MAPKAPK5: variants seen among roughly 807,000 people sequenced by gnomAD.
The protein encoded by MAPKAPK5 is MAP kinase-activated protein kinase 5.
Under a neutral mutation model 65.1 loss-of-function variants are expected in MAPKAPK5, and 30 were observed. That is an observed-to-expected ratio of 0.46 (90% CI 0.34 to 0.63). MAPKAPK5 has a LOEUF of 0.63. Ranked by LOEUF, MAPKAPK5 falls within the 20% of genes least tolerant of loss-of-function variation. The pLI is 0.01. For synonymous variants in MAPKAPK5, 179 were observed against 204.6 expected, an observed-to-expected ratio of 0.87 and a Z score of 1.07; for missense variants, 433 against 581.4, an observed-to-expected ratio of 0.74 and a Z score of 2.63.
chr12:111,844,552 G>A (rs2068845158), intron 1 of MAPKAPK5, among the ~76,000 whole-genome samples: 1 of 152,174 alleles, frequency 6.6e-6, no homozygotes, highest in Non-Finnish European at 1.5e-5. Flanking sequence ...TAATTGGGTT[G>A]TGAATCAAAG....
At chr12:111,873,004 AT>A (rs2069833004) in intron 7 of MAPKAPK5, among the ~76,000 whole-genome samples, 1 of 151,780 alleles carries the variant, frequency 6.6e-6, no homozygotes, top group East Asian at 1.9e-4. Flanking sequence ...TTGCCTTTTA[AT>A]TTTCTTAATG....
At chr12:111,867,740 T>C (rs2069659231) in intron 4 of MAPKAPK5, 71 bp downstream of exon 4, 3 of 1,156,194 alleles carry the variant, frequency 2.6e-6, no homozygotes, top group Non-Finnish European at 1.3e-6. Context: ...TCCTCTCTTT[T>C]ATGTGCTCCC....
rs984535446 is a variant in MAPKAPK5, at chr12:111,893,199, TTAA to T, written c.*144_*146del. On this transcript the variant is annotated 3_prime_UTR_variant, in exon 14 of 14. Coordinates refer to ENST00000550735, the MANE Select transcript of MAPKAPK5 (RefSeq NM_003668.4). ...GCTGTATAGATTTAGGGTGCAGGAC[TTAA>T]TAATAGTATAGTTATTGTTTGTTTT... The T allele has an allele frequency of 1.9e-6, 1 of 537,862 alleles. No homozygotes were observed. The highest frequency in any genetic ancestry group is 2.6e-5 in the South Asian group (1 of 38,278). 33.3% of individuals were successfully genotyped at this position (537,862 alleles called of 1,614,324 possible). A position where few individuals can be genotyped will look rare whatever the true frequency, so the allele number is the denominator to read the frequency against.
At chr12:111,858,486 A>T (rs1271007650) in intron 1 of MAPKAPK5, among the ~76,000 whole-genome samples, 1 of 142,212 alleles carries the variant, frequency 7.0e-6, no homozygotes, top group Non-Finnish European at 1.5e-5. Flanking sequence ...ATTTCTTTCT[A>T]TGTATTTTCA....
rs1412591159 is a variant in MAPKAPK5 at position 111,900,490 on chromosome 12, T to A, written c.*7429T>A. 5 of 455,958 alleles carry A rather than the reference T, an allele frequency of 1.1e-5. No homozygotes were observed. Among genetic ancestry groups the A allele is most frequent in the South Asian group, 1.5e-5 (1 of 64,570 alleles). 28.2% of individuals were successfully genotyped at this position (455,958 alleles called of 1,614,324 possible). A position where few individuals can be genotyped will look rare whatever the true frequency, so the allele number is the denominator to read the frequency against. ...TTCAGCAGCTGCAGCTCTGACTACT[T>A]CTACCAGTTCCTTCGAGAACACAAA... On this transcript the variant is annotated 3_prime_UTR_variant, in exon 14 of 14. Transcript: ENST00000550735.
chr12:111,855,701 C>T (rs1031894037), intron 1 of MAPKAPK5, among the ~76,000 whole-genome samples: 2 of 151,792 alleles, frequency 1.3e-5, no homozygotes, highest in African/African-American at 4.8e-5. Flanking sequence ...GTGGTGTGCA[C>T]CTGTAGTCCC....
At chr12:111,843,449 A>G (rs956012655) in intron 1 of MAPKAPK5, 4 of 342,246 alleles carry the variant, frequency 1.2e-5, no homozygotes, top group Non-Finnish European at 2.1e-5. Flanking sequence ...TTTTTTTTTT[A>G]AAGGCACATT....
At chr12:111,890,425 AC>A (rs1369038965) in intron 13 of MAPKAPK5, among the ~76,000 whole-genome samples, 1 of 152,068 alleles carries the variant, frequency 6.6e-6, no homozygotes, top group African/African-American at 2.4e-5. Flanking sequence ...GGTAAAAAAA[AC>A]CCCCAAATTT....
chr12:111,885,994 C>G lies in MAPKAPK5; in HGVS notation c.927C>G (p.Ala309=). ...ACCCCTGGCTCAATTCCACCGAGGCCCTGGATAATGTGCTGCCTTCTGCTC... is the reference window on the plus strand; with the variant it reads ...ACCCCTGGCTCAATTCCACCGAGGCGCTGGATAATGTGCTGCCTTCTGCTC... The part of the protein sequence containing the change: ...LDHPWLNSTE[A]LDNVLPSAQL... The change falls in exon 10 of 14, where the codon GCC becomes GCG. Residue 309 remains alanine (A), a synonymous_variant. Transcript: ENST00000550735. 1 of 1,613,904 alleles carries G rather than the reference C, an allele frequency of 6.2e-7. No individual in the cohort carries two copies. The highest frequency in any genetic ancestry group is 8.5e-7 in the Non-Finnish European group (1 of 1,179,868).
In MAPKAPK5 at chr12:111,883,711, A is replaced by C. The variant is rs770180691; in HGVS notation, c.791A>C (p.Glu264Ala). The stretch of plus-strand genomic sequence containing the variant: ...AGAAAGATCATGACAGGCAGTTTTG[A>C]GTTCCCAGAGGAAGAGTGGAGTCAG... ...MRRKIMTGSF[E>A]FPEEEWSQIS... The change falls in exon 9 of 14, where the codon GAG becomes GCG. Residue 264 changes from glutamate (E) to alanine (A), a missense_variant. Glu to Ala is a moderately radical substitution (Grantham distance 107). Transcript: ENST00000550735. The surrounding 1 kb of genome is among the most constrained non-coding windows in gnomAD (Gnocchi z 4.8). 1 of 1,613,968 alleles carries C rather than the reference A, an allele frequency of 6.2e-7. No homozygotes were observed. The highest frequency in any genetic ancestry group is 8.5e-7 in the Non-Finnish European group (1 of 1,179,896).
rs755773338 is a variant in MAPKAPK5, at chr12:111,888,527, T to C, written c.1009T>C (p.Leu337=). Residue 337 remains leucine, a synonymous_variant, in exon 11 of 14, where the codon TTG becomes CTG. Coordinates refer to ENST00000550735, the MANE Select transcript of MAPKAPK5 (RefSeq NM_003668.4). ...AGIQQAHAEQ[L]ANMRIQDLKV... ...AATCCAGCAGGCTCACGCGGAACAGTTGGCCAACATGAGAATCCAGGATCT... is the reference window on the plus strand; with the variant it reads ...AATCCAGCAGGCTCACGCGGAACAGCTGGCCAACATGAGAATCCAGGATCT... 6.2e-7 allele frequency: 1 copy of C among 1,613,990 alleles called. No homozygotes were observed. The highest frequency in any genetic ancestry group is 8.5e-7 in the Non-Finnish European group (1 of 1,179,874).
In MAPKAPK5 at chr12:111,893,162, T is replaced by C. The variant is rs2070684611; in HGVS notation, c.*101T>C. The C allele has an allele frequency of 2.4e-6, 2 of 846,766 alleles. No homozygotes were observed. Among genetic ancestry groups the C allele is most frequent in the East Asian group, 6.1e-5 (2 of 32,772 alleles). 52.5% of individuals were successfully genotyped at this position (846,766 alleles called of 1,614,324 possible). On this transcript the variant is annotated 3_prime_UTR_variant, in exon 14 of 14. Coordinates refer to ENST00000550735, the MANE Select transcript of MAPKAPK5 (RefSeq NM_003668.4). Reference sequence around the variant, plus strand: ...AATAAATCATAATTTCATTTCCACATTGATTAAAGCTGCTGTATAGATTTA... The same window carrying C: ...AATAAATCATAATTTCATTTCCACACTGATTAAAGCTGCTGTATAGATTTA...
chr12:111,901,351 G>T lies in MAPKAPK5; in HGVS notation c.*8290G>T. ...GCCCCCCCTGACTGTGTTACTGCAG[G>T]AAGTGGAGGTAGTGTGGACAGTGGC... On this transcript the variant is annotated 3_prime_UTR_variant, in exon 14 of 14. Transcript: ENST00000550735. 2.2e-6 allele frequency: 1 copy of T among 456,068 alleles called. No individual in the cohort carries two copies. Among genetic ancestry groups the T allele is most frequent in the Non-Finnish European group, 4.4e-6 (1 of 226,798 alleles). The allele number at this position is 456,068 out of a possible 1,614,324, so 28.3% of individuals were successfully genotyped here.
At chr12:111,878,486 C>G (rs2070076291) in intron 7 of MAPKAPK5, among the ~76,000 whole-genome samples, 1 of 151,986 alleles carries the variant, frequency 6.6e-6, no homozygotes, top group Admixed American at 6.6e-5. Flanking sequence ...AGTGGCGGAT[C>G]TCAGCTCACT....
At chr12:111,859,627 T>TTC (rs1555269103) in intron 1 of MAPKAPK5, among the ~76,000 whole-genome samples, 2 of 143,226 alleles carry the variant, frequency 1.4e-5, no homozygotes, top group East Asian at 4.2e-4. Context: ...AGCACTTCTT[T>TTC]TTTTCTTTTC....
rs1436697871 is a variant in MAPKAPK5 at position 111,900,406 on chromosome 12, G to C, written c.*7345G>C. 2.2e-6 allele frequency: 1 copy of C among 456,080 alleles called. No individual in the cohort carries two copies. The highest frequency in any genetic ancestry group is 4.4e-6 in the Non-Finnish European group (1 of 226,804). The allele number at this position is 456,080 out of a possible 1,614,324, so 28.3% of individuals were successfully genotyped here. Reference sequence around the variant, plus strand: ...GGTATTCAGCACGACCACTCGGCCTGCTTTTGTAAAGATAAGCACTTTTGC... The same window carrying C: ...GGTATTCAGCACGACCACTCGGCCTCCTTTTGTAAAGATAAGCACTTTTGC... On this transcript the variant is annotated 3_prime_UTR_variant, in exon 14 of 14. Coordinates refer to ENST00000550735, the MANE Select transcript of MAPKAPK5 (RefSeq NM_003668.4).
chr12:111,855,990 G>A (rs2069227062), intron 1 of MAPKAPK5, among the ~76,000 whole-genome samples: 3 of 151,788 alleles, frequency 2.0e-5, no homozygotes, highest in South Asian at 4.2e-4. Flanking sequence ...CGAGTAGCTG[G>A]GATTACAGGC....
chr12:111,883,900 T>G lies in MAPKAPK5; in HGVS notation c.848+132T>G. 4 of 907,066 alleles carry G rather than the reference T, an allele frequency of 4.4e-6. No homozygotes were observed. Among genetic ancestry groups the G allele is most frequent in the Non-Finnish European group, 6.5e-6 (4 of 613,024 alleles). The allele number at this position is 907,066 out of a possible 1,614,324, so 56.2% of individuals were successfully genotyped here. On this transcript the variant is annotated intron_variant, in intron 9 of 13. Transcript: ENST00000550735. This position sits in a 1 kb window ranked among gnomAD's most constrained non-coding sequence, Gnocchi z 4.8. ...CCCGTTTTAATATCACAGAAATCTC[T>G]CTGGAGCCTGAGGTGACTGTTCTCA...
At chr12:111,850,475 T>G (rs1373996577) in intron 1 of MAPKAPK5, among the ~76,000 whole-genome samples, 3 of 152,172 alleles carry the variant, frequency 2.0e-5, no homozygotes, top group African/African-American at 7.2e-5. Flanking sequence ...TTGGAGAATT[T>G]AATGCCAGCA....
Sources: allele counts gnomAD v4.1 joint callset (sites outside exome capture counted in the v4.1 genomes callset), GRCh38; gene constraint gnomAD v4.1.1; non-coding constraint Gnocchi (gnomAD v3.1); transcripts MANE v1.5; gene names NCBI Gene and HGNC (gene_info 2026-07-23, HGNC 2026-07-21).